DLEU7: variants seen among roughly 807,000 people sequenced by gnomAD.
DLEU7 encodes deleted in lymphocytic leukemia 7, also known as leukemia-associated protein 7.
Under a neutral mutation model 16.0 loss-of-function variants are expected in DLEU7, and 17 were observed. The observed-to-expected ratio is 1.06, with a 90% confidence interval of 0.73 to 1.59. DLEU7 has a LOEUF of 1.59. Among genes scored for constraint, DLEU7 ranks in the 40% most tolerant of loss-of-function variants. The probability of loss-of-function intolerance (pLI) is 0.00; values close to 1 mark genes in which losing one functional copy is unlikely to be tolerated. For synonymous variants in DLEU7, 113 were observed against 139.8 expected, an observed-to-expected ratio of 0.81 and a Z score of 1.35; for missense variants, 308 against 314.9, an observed-to-expected ratio of 0.98 and a Z score of 0.17.
Position 50,843,447 on chromosome 13 carries a change from T to C in DLEU7, c.200A>G (p.Glu67Gly), listed in dbSNP as rs1877750128. The C allele has an allele frequency of 3.0e-6, 4 of 1,320,344 alleles. No individual in the cohort carries two copies. Among genetic ancestry groups the C allele is most frequent in the Middle Eastern group, 2.8e-4 (1 of 3,606 alleles). 81.8% of individuals were successfully genotyped at this position (1,320,344 alleles called of 1,614,324 possible). A position where few individuals can be genotyped will look rare whatever the true frequency, so the allele number is the denominator to read the frequency against. The change falls in exon 1 of 2, where the codon GAG becomes GGG. Residue 67 changes from glutamate (E) to glycine (G), a missense_variant. Coordinates refer to ENST00000504404, the MANE Select transcript of DLEU7 (RefSeq NM_001306135.2). The surrounding 1 kb of genome is among the most constrained non-coding windows in gnomAD (Gnocchi z 5.7). Reference protein sequence around the residue: ...PRARPGPGREERGGGVGTRSR... With the variant: ...PRARPGPGREGRGGGVGTRSR... The stretch of plus-strand genomic sequence containing the variant: ...CCTGGTCCCCACGCCCCCGCCCCGC[T>C]CCTCGCGCCCGGGCCCCGGCCGGGC...
chr13:50,782,113 A>G (rs1354995821), intron 1 of DLEU7, among the ~76,000 whole-genome samples: 5 of 152,184 alleles, frequency 3.3e-5, no homozygotes, highest in Non-Finnish European at 1.5e-5. Context: ...GCCTTTCTTA[A>G]CACTCTCTTC....
intron 1 of DLEU7, among the ~76,000 whole-genome samples, chr13:50,771,647 A>G (rs191746619): frequency 9.2e-5 from 14 of 152,188 alleles, no homozygotes; most frequent in Admixed American, 5.2e-4. Flanking sequence ...TGTGATTTCT[A>G]TTCTTTTACA....
intron 1 of DLEU7, among the ~76,000 whole-genome samples, chr13:50,748,480 C>T (rs1874466638): frequency 6.6e-6 from 1 of 151,956 alleles, no homozygotes; most frequent in African/African-American, 2.4e-5. Context: ...TTTAAAAGTC[C>T]ATGTCTAGAA....
At chr13:50,713,129 A>G (rs1873343502) in exon 2 of DLEU7, 1 of 1,498,000 alleles carries the variant, frequency 6.7e-7, no homozygotes, top group South Asian at 1.2e-5. Context: ...TTAACATCCC[A>G]TCTCATCCCA....
intron 1 of DLEU7, among the ~76,000 whole-genome samples, chr13:50,732,606 C>CA (rs58395582): frequency 0.56 from 36,685 of 65,642 alleles, 11,256 homozygotes; most frequent in Non-Finnish European, 0.6. Context: ...GACTCCATCT[C>CA]AAAAAAAAAA....
chr13:50,833,028 G>T (rs1877330456), intron 1 of DLEU7, among the ~76,000 whole-genome samples: 2 of 152,124 alleles, frequency 1.3e-5, no homozygotes, highest in African/African-American at 2.4e-5. Context: ...TAAGAAACTA[G>T]GTATTGATAA....
At chr13:50,791,985 T>C (rs1875971995) in intron 1 of DLEU7, among the ~76,000 whole-genome samples, 1 of 152,214 alleles carries the variant, frequency 6.6e-6, no homozygotes, top group South Asian at 2.1e-4. Context: ...AACTTCTTGT[T>C]GGCAATCTCT....
chr13:50,815,451 G>C (rs754198617), intron 1 of DLEU7, among the ~76,000 whole-genome samples: 1 of 152,036 alleles, frequency 6.6e-6, no homozygotes, highest in Non-Finnish European at 1.5e-5. Context: ...ACACATATAC[G>C]CACACATACA....
chr13:50,828,538 T>G (rs1017595730), intron 1 of DLEU7, among the ~76,000 whole-genome samples: 1 of 152,034 alleles, frequency 6.6e-6, no homozygotes. Context: ...TAAAGAATAA[T>G]CCCTGAAAAT....
Position 50,773,865 on chromosome 13 carries a change from T to C in DLEU7, c.460-60625A>G, listed in dbSNP as rs1875404852. ...GTTTCTGCTGCCTTTTGTTCAGCTA[T>C]GCCCTGCCCCCAGAGATGGAGTCTA... is the stretch of plus-strand genomic sequence containing the variant. On this transcript the variant is annotated intron_variant, in intron 1 of 1. Coordinates refer to the DLEU7 transcript ENST00000400393. Among the ~76,000 whole-genome samples, 5 of 152,228 alleles carry C rather than the reference T, an allele frequency of 3.3e-5. No individual in the cohort carries two copies. In the South Asian group the frequency reaches 1.0e-3, roughly 31 times the overall value.
At chr13:50,737,045 A>T (rs1475019905) in intron 1 of DLEU7, among the ~76,000 whole-genome samples, 6 of 152,144 alleles carry the variant, frequency 3.9e-5, no homozygotes, top group Non-Finnish European at 8.8e-5. Flanking sequence ...TCCAACATTT[A>T]ATGAGTTTGT....
intron 1 of DLEU7, among the ~76,000 whole-genome samples, chr13:50,717,748 C>A (rs1459603174): frequency 1.3e-5 from 2 of 152,164 alleles, no homozygotes; most frequent in East Asian, 3.9e-4. Flanking sequence ...ACTTCCATTT[C>A]TGCTAACAGC....
intron 1 of DLEU7, among the ~76,000 whole-genome samples, chr13:50,714,966 G>T (rs79996070): frequency 0.024 from 3,667 of 152,284 alleles, 208 homozygotes; most frequent in East Asian, 0.19. Context: ...TGTTGGCCAG[G>T]CTGTACTCCC....
chr13:50,806,576 A>G (rs1876397647), intron 1 of DLEU7, among the ~76,000 whole-genome samples: 1 of 152,116 alleles, frequency 6.6e-6, no homozygotes, highest in African/African-American at 2.4e-5. Context: ...TCGGAGTAAT[A>G]TTTAATACTT....
intron 1 of DLEU7, 109 bp from the exon 2 acceptor site, chr13:50,823,629 G>GT: frequency 3.0e-6 from 4 of 1,324,934 alleles, no homozygotes; most frequent in Non-Finnish European, 3.0e-6. Flanking sequence ...ACAGCACTCT[G>GT]GTTTTTTTTT....
chr13:50,756,021 A>C (rs1874747401), intron 1 of DLEU7, among the ~76,000 whole-genome samples: 1 of 152,150 alleles, frequency 6.6e-6, no homozygotes, highest in Admixed American at 6.5e-5. Flanking sequence ...CCCCACCTCC[A>C]GGCTGGTACT....
At chr13:50,752,125 C>T (rs1207540382) in intron 1 of DLEU7, among the ~76,000 whole-genome samples, 1 of 149,936 alleles carries the variant, frequency 6.7e-6, no homozygotes, top group Non-Finnish European at 1.5e-5. Context: ...AATCTCGGCT[C>T]ATTGCAAGCT....
intron 1 of DLEU7, among the ~76,000 whole-genome samples, chr13:50,777,938 C>T (rs1458668145): frequency 2.0e-5 from 3 of 152,164 alleles, no homozygotes; most frequent in South Asian, 2.1e-4. Context: ...CCGCAGTGGG[C>T]ATCAGAATGC....
At position 50,794,988 on chromosome 13, in the gene DLEU7, G is replaced by A. The variant is rs188468184; in HGVS notation, c.459+48200C>T. ...TATTACAACAAAATTACTTGGTGAC[G>A]GCTAGGCTGACATGTGATCTCCATC... is the stretch of plus-strand genomic sequence containing the variant. On this transcript the variant is annotated intron_variant, in intron 1 of 1. Transcript: ENST00000400393. Among the ~76,000 whole-genome samples, 10 of 151,606 alleles carry A rather than the reference G, an allele frequency of 6.6e-5. No homozygotes were observed. The South Asian group carries it at 1.0e-3, about 16-fold the overall frequency.
Sources: gnomAD v4.1 joint callset for allele counts (sites outside exome capture counted in the v4.1 genomes callset) on GRCh38, gnomAD v4.1.1 for gene constraint, Gnocchi (gnomAD v3.1) non-coding constraint, MANE v1.5 for transcripts, NCBI Gene and HGNC (gene_info 2026-07-23, HGNC 2026-07-21) for gene names.